OPRM1: variants seen among roughly 807,000 people sequenced by gnomAD.
OPRM1 encodes the protein mu-type opioid receptor.
A neutral mutation model predicts 31.8 loss-of-function variants in OPRM1; 27 were observed. The observed-to-expected ratio is 0.85, with a 90% CI of 0.63 to 1.17. The LOEUF is 1.17. OPRM1 is among the 50% of genes most tolerant of loss of function. OPRM1 has a pLI of 0.00. For synonymous variants in OPRM1, 196 were observed against 189.9 expected (o/e 1.03, Z -0.26); for missense variants, 536 against 511.1 (o/e 1.05, Z -0.47).
intron 1 of OPRM1, among the ~76,000 whole-genome samples, chr6:154,042,174 C>A (rs1349338045): frequency 1.3e-5 from 2 of 152,154 alleles, no homozygotes; most frequent in African/African-American, 4.8e-5. Flanking sequence ...GGTTAGGTAA[C>A]CCTCTTGGAA....
intron 3 of OPRM1, among the ~76,000 whole-genome samples, chr6:154,144,650 T>C (rs970213664): frequency 6.8e-6 from 1 of 146,540 alleles, no homozygotes; most frequent in African/African-American, 2.5e-5. Context: ...GGGGAGGCTG[T>C]AGCAGGAGAA....
chr6:154,149,599 T>C (rs541384856), intron 3 of OPRM1, among the ~76,000 whole-genome samples: 1 of 56,954 alleles, frequency 1.8e-5, no homozygotes, highest in South Asian at 3.1e-4. Flanking sequence ...TTCTGGATCG[T>C]GTGTGTGTGT....
At chr6:154,200,123 G>C in intron 3 of OPRM1, 1 of 1,263,326 alleles carries the variant, frequency 7.9e-7, no homozygotes, top group Non-Finnish European at 1.1e-6. Flanking sequence ...TTTCAATCAC[G>C]GTGTCCCCGT....
chr6:154,039,817 C>T lies in OPRM1; in HGVS notation c.273C>T (p.Val91=). 1 of 1,589,068 alleles carries T rather than the reference C, an allele frequency of 6.3e-7. No homozygotes were observed. Among genetic ancestry groups the T allele is most frequent in the Non-Finnish European group, 8.5e-7 (1 of 1,172,888 alleles). ...CVVGLFGNFL[V]MYVIVRYTKM... ...TGGGGCTCTTCGGAAACTTCCTGGT[C>T]ATGTATGTGATTGTCAGGTAAGGAA... The change falls in exon 1 of 4, where the codon GTC becomes GTT. Residue 91 remains valine, a synonymous_variant. Coordinates refer to ENST00000330432, the MANE Select transcript of OPRM1 (RefSeq NM_000914.5).
At chr6:154,011,007 G>A in exon 1 of OPRM1, 9 of 1,290,864 alleles carry the variant, frequency 7.0e-6, no homozygotes, top group Non-Finnish European at 8.1e-6. Flanking sequence ...TGCTGAAATA[G>A]CATGGTCCAG....
intron 3 of OPRM1, among the ~76,000 whole-genome samples, chr6:154,104,272 TA>T (rs1269891408): frequency 6.6e-6 from 1 of 152,198 alleles, no homozygotes; most frequent in East Asian, 1.9e-4. Flanking sequence ...AATGTTTAGT[TA>T]AAGAAAACAT....
At chr6:154,209,657 A>C (rs570385288) in intron 3 of OPRM1, among the ~76,000 whole-genome samples, 1 of 152,118 alleles carries the variant, frequency 6.6e-6, no homozygotes, top group African/African-American at 2.4e-5. Context: ...AAAAAAAAAA[A>C]AAAAGTTACT....
At position 154,128,993 on chromosome 6, in the gene OPRM1, A is replaced by G. The variant is rs188466504; in HGVS notation, c.*10272A>G. On this transcript the variant is annotated 3_prime_UTR_variant, in exon 4 of 4. Coordinates refer to ENST00000330432, the MANE Select transcript of OPRM1 (RefSeq NM_000914.5). ...ATATCTGTGTTTTATTAATATTTTG[A>G]AGTATAGGAACCTCATGGTGTAGCA... 1.1e-3 allele frequency among the ~76,000 whole-genome samples: 167 copies of G among 152,256 alleles called. No individual in the cohort carries two copies. Among genetic ancestry groups the G allele is most frequent in the African/African-American group, 3.8e-3 (159 of 41,534 alleles).
intron 3 of OPRM1, among the ~76,000 whole-genome samples, chr6:154,215,631 T>TA: frequency 6.6e-6 from 1 of 151,718 alleles, no homozygotes; most frequent in Non-Finnish European, 1.5e-5. Flanking sequence ...AAATAAAATT[T>TA]AAAAAAATAA....
chr6:154,058,254 T>A (rs1330942570), intron 1 of OPRM1, among the ~76,000 whole-genome samples: 2 of 152,164 alleles, frequency 1.3e-5, no homozygotes, highest in African/African-American at 4.8e-5. Context: ...TATCAAAAAA[T>A]TCTAACACTA....
chr6:154,168,402 AT>A lies in OPRM1; in HGVS notation c.1164+76931del, dbSNP rs2128554173. 6.6e-6 allele frequency among the ~76,000 whole-genome samples: 1 copy of A among 152,148 alleles called. No individual in the cohort carries two copies. The highest frequency in any genetic ancestry group is 2.1e-4 in the South Asian group (1 of 4,804). On this transcript the variant is annotated intron_variant, in intron 3 of 3. Coordinates refer to the OPRM1 transcript ENST00000337049. This position sits in a 1 kb window ranked among gnomAD's most constrained non-coding sequence, Gnocchi z 4.1. Reference sequence around the variant, plus strand: ...GTGGCAGTATAACTCCAATATTCACATGGGGTGTTCCCTGCATGCATGTCTC... The same window carrying A: ...GTGGCAGTATAACTCCAATATTCACAGGGGTGTTCCCTGCATGCATGTCTC...
chr6:154,234,489 T>C (rs968354691), intron 3 of OPRM1, among the ~76,000 whole-genome samples: 1 of 152,248 alleles, frequency 6.6e-6, no homozygotes, highest in Non-Finnish European at 1.5e-5. Context: ...CAGGATGCTA[T>C]TCCCCTTGCA....
intron 3 of OPRM1, among the ~76,000 whole-genome samples, chr6:154,226,157 T>G (rs1386838622): frequency 6.6e-6 from 1 of 152,188 alleles, no homozygotes; most frequent in Non-Finnish European, 1.5e-5. Context: ...TCCAAAACTC[T>G]CTATGGATGA....
intron 1 of OPRM1, among the ~76,000 whole-genome samples, chr6:154,016,921 CA>C (rs1031445410): frequency 2.0e-5 from 3 of 152,162 alleles, no homozygotes; most frequent in Admixed American, 2.0e-4. Context: ...AAAAAACCCA[CA>C]ATGGTTACTG....
chr6:154,093,488 C>T (rs199975496), intron 3 of OPRM1: 269 of 1,607,686 alleles, frequency 1.7e-4, no homozygotes, highest in Non-Finnish European at 2.0e-4. Context: ...CCTTGACTCC[C>T]TTCCAAATTC....
chr6:154,190,096 A>G (rs1365849603), intron 3 of OPRM1, among the ~76,000 whole-genome samples: 1 of 152,204 alleles, frequency 6.6e-6, no homozygotes, highest in African/African-American at 2.4e-5. Context: ...TGTACTTCCT[A>G]TACTTATATT....
chr6:154,093,684 G>A (rs888944661), intron 3 of OPRM1, among the ~76,000 whole-genome samples: 4 of 152,164 alleles, frequency 2.6e-5, no homozygotes, highest in African/African-American at 7.2e-5. Context: ...ATTAGCCCTC[G>A]AATTGGTTGC....
chr6:154,029,364 A>G (rs73788963), intron 1 of OPRM1, among the ~76,000 whole-genome samples: 3,522 of 152,274 alleles, frequency 0.023, 156 homozygotes, highest in African/African-American at 0.081. Flanking sequence ...TTCTAGAAAA[A>G]CTTGCTGGTT....
chr6:154,043,703 A>G (rs1562391993), intron 1 of OPRM1, among the ~76,000 whole-genome samples: 1 of 152,074 alleles, frequency 6.6e-6, no homozygotes, highest in Non-Finnish European at 1.5e-5. Flanking sequence ...AAAATATCCT[A>G]ATTAGAGGAT....
Sources: gnomAD v4.1 joint callset for allele counts (sites outside exome capture counted in the v4.1 genomes callset) on GRCh38, gnomAD v4.1.1 for gene constraint, Gnocchi (gnomAD v3.1) non-coding constraint, MANE v1.5 for transcripts, NCBI Gene and HGNC (gene_info 2026-07-23, HGNC 2026-07-21) for gene names.